Variants in KALRN observed in about 807,000 individuals in gnomAD.
KALRN encodes kalirin.
Under a neutral mutation model 353.7 loss-of-function variants are expected in KALRN, and 70 were observed. The observed-to-expected ratio is 0.20, with a 90% CI of 0.16 to 0.24. The LOEUF is 0.24. Among genes scored for constraint, KALRN ranks in the 10% least tolerant of loss-of-function variants. The probability of loss-of-function intolerance (pLI) is 1.00; values close to 1 mark genes in which losing one functional copy is unlikely to be tolerated. For synonymous variants in KALRN, 1,391 were observed against 1,434.8 expected (o/e 0.97, Z 0.69); for missense variants, 2,791 against 3,756.7 (o/e 0.74, Z 6.72).
At chr3:124,216,223 T>A (rs2077316773) in intron 1 of KALRN, among the ~76,000 whole-genome samples, 1 of 152,218 alleles carries the variant, frequency 6.6e-6, no homozygotes, top group South Asian at 2.1e-4. Flanking sequence ...TCAAATCATT[T>A]CATTTTTTTC....
At chr3:124,151,389 G>T (rs940215491) in intron 1 of KALRN, among the ~76,000 whole-genome samples, 3 of 152,170 alleles carry the variant, frequency 2.0e-5, no homozygotes, top group African/African-American at 7.2e-5. Context: ...TAGGTATGTG[G>T]TAGTGTCACA....
intron 1 of KALRN, among the ~76,000 whole-genome samples, chr3:124,156,991 G>A (rs2149976570): frequency 6.6e-6 from 1 of 152,228 alleles, no homozygotes; most frequent in South Asian, 2.1e-4. Context: ...AGACTCTTCT[G>A]TTTTGTGTTT....
intron 49 of KALRN, chr3:124,677,678 T>C (rs140482303): frequency 2.2e-6 from 1 of 448,178 alleles, no homozygotes; most frequent in Non-Finnish European, 4.5e-6. Context: ...ATCAACATTG[T>C]TTGGGAGTGG....
chr3:124,269,039 G>A lies in KALRN; in HGVS notation c.753G>A (p.Gly251=), dbSNP rs1401305993. 1 of 1,612,870 alleles carries A rather than the reference G, an allele frequency of 6.2e-7. No individual in the cohort carries two copies. Among genetic ancestry groups the A allele is most frequent in the Non-Finnish European group, 8.5e-7 (1 of 1,179,686 alleles). ...KAPVEELDRE[G]QRLLQCIRCS... ...CTGTGGAGGAGCTGGACCGGGAGGG[G>A]CAGCGGCTGCTGCAGTGCATCCGCT... The change falls in exon 5 of 60, where the codon GGG becomes GGA. Residue 251 remains glycine (G), a synonymous_variant. Coordinates refer to ENST00000682506, the MANE Select transcript of KALRN (RefSeq NM_001388419.1).
At chr3:124,035,823 T>G (rs1033839139) in intron 1 of KALRN, among the ~76,000 whole-genome samples, 1 of 152,202 alleles carries the variant, frequency 6.6e-6, no homozygotes, top group Non-Finnish European at 1.5e-5. Flanking sequence ...TCCCTCCTCC[T>G]TGGGCAGCCC....
chr3:124,232,403 A>G (rs187809484), intron 2 of KALRN, among the ~76,000 whole-genome samples: 1 of 152,004 alleles, frequency 6.6e-6, no homozygotes, highest in African/African-American at 2.4e-5. Context: ...GTTCCACCCA[A>G]AGAACCATGT....
At chr3:124,711,091 A>AT (rs2150771970) in intron 57 of KALRN, among the ~76,000 whole-genome samples, 1 of 152,314 alleles carries the variant, frequency 6.6e-6, no homozygotes, top group African/African-American at 2.4e-5. Context: ...TTTTGACCAA[A>AT]TATTTGCTTA....
intron 1 of KALRN, among the ~76,000 whole-genome samples, chr3:124,058,030 A>C (rs970985227): frequency 6.6e-6 from 1 of 152,232 alleles, no homozygotes; most frequent in African/African-American, 2.4e-5. Flanking sequence ...CATGGATGGC[A>C]ACAGGCATAG....
At chr3:124,370,964 T>C (rs571779495) in intron 10 of KALRN, among the ~76,000 whole-genome samples, 111 of 152,254 alleles carry the variant, frequency 7.3e-4, no homozygotes, top group Non-Finnish European at 1.2e-3. Context: ...CTTCTTAAAA[T>C]GAGTTAGCTA....
At chr3:124,393,794 T>TC (rs1178423207) in intron 11 of KALRN, among the ~76,000 whole-genome samples, 1 of 152,218 alleles carries the variant, frequency 6.6e-6, no homozygotes, top group Non-Finnish European at 1.5e-5. Flanking sequence ...TCTTTACACT[T>TC]TCTTATTCAT....
Position 124,231,657 on chromosome 3 carries a change from AT to A in KALRN, c.149-3170del, listed in dbSNP as rs375545253. ...TCCTTCTTGGAGAATTACAATATCC[AT>A]TAAAATACATTAACATTTTAAGGCT... On this transcript the variant is annotated intron_variant, in intron 2 of 59. Coordinates refer to ENST00000682506, the MANE Select transcript of KALRN (RefSeq NM_001388419.1). 8.2e-4 allele frequency among the ~76,000 whole-genome samples: 125 copies of A among 152,310 alleles called. 6 individuals carry two copies. The South Asian group carries it at 0.025, about 31-fold the overall frequency.
At chr3:124,395,919 G>A (rs748159872) in intron 12 of KALRN, among the ~76,000 whole-genome samples, 3 of 152,160 alleles carry the variant, frequency 2.0e-5, no homozygotes, top group Non-Finnish European at 4.4e-5. Flanking sequence ...CATAACTAAG[G>A]AGACAAATCC....
chr3:124,424,016 C>T (rs1376036988), intron 15 of KALRN, among the ~76,000 whole-genome samples: 2 of 152,190 alleles, frequency 1.3e-5, no homozygotes, highest in Non-Finnish European at 2.9e-5. Context: ...GCCTGTTACA[C>T]ACATCTTCAT....
intron 33 of KALRN, among the ~76,000 whole-genome samples, chr3:124,526,891 T>A (rs2067639086): frequency 6.6e-6 from 1 of 152,208 alleles, no homozygotes; most frequent in Admixed American, 6.5e-5. Flanking sequence ...ATCACATCAT[T>A]CATTTATTCA....
chr3:124,209,812 T>C (rs1392555770), intron 1 of KALRN, among the ~76,000 whole-genome samples: 2 of 152,266 alleles, frequency 1.3e-5, no homozygotes, highest in Non-Finnish European at 2.9e-5. Context: ...ACATCATCCC[T>C]CTGGGCTTCA....
chr3:124,145,451 G>A (rs772792755), intron 1 of KALRN, among the ~76,000 whole-genome samples: 24 of 152,216 alleles, frequency 1.6e-4, no homozygotes, highest in Non-Finnish European at 3.1e-4. Flanking sequence ...AGTTCCCTGA[G>A]TGATTTCATT....
Position 124,702,082 on chromosome 3 carries a change from G to A in KALRN, c.8041G>A (p.Asp2681Asn). Residue 2681 changes from aspartate to asparagine, a missense_variant, in exon 57 of 60, where the codon GAC becomes AAC. This residue lies in a region of KALRN where 188 missense variants were observed against 402.9 expected (regional missense o/e 0.47). Transcript: ENST00000682506. ...GATISWKENF[D>N]SAYTELNEIG... ...CACCATTTCTTGGAAGGAAAATTTT[G>A]ACTCAGCTTACACTGAGCTGAATGA... 6.2e-7 allele frequency: 1 copy of A among 1,613,730 alleles called. No homozygotes were observed. The highest frequency in any genetic ancestry group is 8.5e-7 in the Non-Finnish European group (1 of 1,179,870).
At chr3:124,149,490 A>AT (rs1228722740) in intron 1 of KALRN, among the ~76,000 whole-genome samples, 1 of 152,058 alleles carries the variant, frequency 6.6e-6, no homozygotes, top group Non-Finnish European at 1.5e-5. Flanking sequence ...TCCTAGCTTA[A>AT]TTTTTTTCCA....
At chr3:124,483,573 A>G (rs2062214320) in intron 28 of KALRN, among the ~76,000 whole-genome samples, 1 of 109,690 alleles carries the variant, frequency 9.1e-6, no homozygotes, top group South Asian at 3.3e-4. Context: ...AATAATAATT[A>G]ATAAATAAAT....
Sources: gnomAD v4.1 joint callset for allele counts (sites outside exome capture counted in the v4.1 genomes callset) on GRCh38, gnomAD v4.1.1 for gene constraint, gnomAD v4.1.1 regional missense constraint, MANE v1.5 for transcripts, NCBI Gene and HGNC (gene_info 2026-07-23, HGNC 2026-07-21) for gene names.